Variants in NUAK1 observed in about 807,000 individuals in gnomAD.
NUAK1 encodes NUAK family kinase 1, also known as NUAK family SNF1-like kinase 1.
NUAK1 carries 26 observed loss-of-function variants against 56.9 expected under a neutral mutation model. The observed-to-expected ratio is 0.46, with a 90% CI of 0.33 to 0.63. The LOEUF (loss-of-function observed/expected upper bound fraction) is 0.63. Ranked by LOEUF, NUAK1 falls within the 30% of genes least tolerant of loss-of-function variation. NUAK1 has a pLI of 0.02. For missense variants in NUAK1, 727 were observed against 876.1 expected, an observed-to-expected ratio of 0.83 and a Z score of 2.15; for synonymous variants, 337 against 336.0, an observed-to-expected ratio of 1.00 and a Z score of -0.03.
At chr12:106,072,528 T>C (rs538315061) in intron 5 of NUAK1, among the ~76,000 whole-genome samples, 196 bp downstream of exon 5, 1 of 152,354 alleles carries the variant, frequency 6.6e-6, no homozygotes, top group South Asian at 2.1e-4. Context: ...TATTTTCTCC[T>C]TTAGGCTTTT....
intron 1 of NUAK1, among the ~76,000 whole-genome samples, chr12:106,128,568 G>A (rs2033046921): frequency 6.6e-6 from 1 of 152,234 alleles, no homozygotes; most frequent in Non-Finnish European, 1.5e-5. Context: ...GCAGCAGCCA[G>A]CAAGGCTTCG....
Position 106,067,846 on chromosome 12 carries a change from C to A in NUAK1, c.942G>T (p.Val314=). The A allele has an allele frequency of 6.2e-7, 1 of 1,614,222 alleles. No individual in the cohort carries two copies. Among genetic ancestry groups the A allele is most frequent in the Non-Finnish European group, 8.5e-7 (1 of 1,180,046 alleles). Residue 314 remains valine (V), a synonymous_variant, in exon 7 of 7, where the codon GTG becomes GTT. Coordinates refer to ENST00000261402, the MANE Select transcript of NUAK1 (RefSeq NM_014840.3). The surrounding 1 kb of genome is among the most constrained non-coding windows in gnomAD (Gnocchi z 6.0). ...AGTCATGGAGGGCATCACAGTCACA[C>A]ACGCTGCTCTTATAGCCCCAGTTCA... ...WWVNWGYKSS[V]CDCDALHDSE... is the part of the protein sequence containing the mutation.
intron 2 of NUAK1, among the ~76,000 whole-genome samples, chr12:106,098,918 C>CT (rs200025286): frequency 0.011 from 1,712 of 152,088 alleles, 31 homozygotes; most frequent in African/African-American, 0.035. Flanking sequence ...TCCTTTTCAG[C>CT]TTTTTTTTCC....
intron 4 of NUAK1, among the ~76,000 whole-genome samples, chr12:106,074,056 C>T (rs1340756056): frequency 6.6e-6 from 1 of 151,934 alleles, no homozygotes; most frequent in East Asian, 1.9e-4. Flanking sequence ...TATATACATA[C>T]ATATACATAT....
intron 4 of NUAK1, among the ~76,000 whole-genome samples, chr12:106,074,916 T>C (rs1051305355): frequency 1.3e-5 from 2 of 152,084 alleles, no homozygotes; most frequent in Non-Finnish European, 2.9e-5. Flanking sequence ...AGGAAGTTGG[T>C]TGGAAGCTTT....
rs368538085 is a variant in NUAK1 at position 106,066,931 on chromosome 12, C to A, written c.1857G>T (p.Arg619=). The change falls in exon 7 of 7, where the codon CGG becomes CGT. Residue 619 remains arginine, a synonymous_variant. Coordinates refer to ENST00000261402, the MANE Select transcript of NUAK1 (RefSeq NM_014840.3). The part of the protein sequence containing the change: ...QIQDFEGLQN[R]PRPQYLKRYR... ...ACCGCTTCAGGTACTGGGGCCGGGG[C>A]CGGTTCTGGAGCCCCTCAAAGTCCT... The A allele has an allele frequency of 9.0e-5, 145 of 1,613,924 alleles. No individual in the cohort carries two copies. The highest frequency in any genetic ancestry group is 1.1e-4 in the Non-Finnish European group (129 of 1,179,978).
intron 4 of NUAK1, among the ~76,000 whole-genome samples, chr12:106,080,946 C>A (rs1018275593): frequency 6.6e-6 from 1 of 152,192 alleles, no homozygotes; most frequent in African/African-American, 2.4e-5. Context: ...CAGCATGGGT[C>A]CTTTCTAAAT....
Position 106,138,717 on chromosome 12 carries a change from G to A in NUAK1, c.-64C>T. ...CCGGGCACAGCGCTGGGATGTCGGG[G>A]TCCCCACCGAGGGAAGCCGCTGTAC... On this transcript the variant is annotated 5_prime_UTR_variant, in exon 1 of 7. Transcript: ENST00000261402. This position sits in a 1 kb window ranked among gnomAD's most constrained non-coding sequence, Gnocchi z 5.0. 1.4e-6 allele frequency: 2 copies of A among 1,434,786 alleles called. No homozygotes were observed. The highest frequency in any genetic ancestry group is 1.5e-5 in the South Asian group (1 of 67,248). 88.9% of individuals were successfully genotyped at this position (1,434,786 alleles called of 1,614,324 possible).
intron 5 of NUAK1, 30 bp downstream of exon 5, chr12:106,072,694 T>G (rs1308850428): frequency 2.5e-6 from 4 of 1,571,758 alleles, no homozygotes. Flanking sequence ...TCCCCTCCCC[T>G]GCCCCATACA....
intron 1 of NUAK1, among the ~76,000 whole-genome samples, chr12:106,119,942 A>C (rs1408534717): frequency 6.6e-6 from 1 of 152,044 alleles, no homozygotes; most frequent in Non-Finnish European, 1.5e-5. Context: ...ACAATGTTTA[A>C]GAGGATTGGC....
chr12:106,083,125 G>A (rs560684605), intron 4 of NUAK1, among the ~76,000 whole-genome samples: 20 of 152,260 alleles, frequency 1.3e-4, no homozygotes, highest in African/African-American at 3.1e-4. Context: ...AATACTCTCC[G>A]TGCAAGTAAA....
chr12:106,092,547 CAT>C (rs2032646444), intron 2 of NUAK1, among the ~76,000 whole-genome samples: 1 of 152,006 alleles, frequency 6.6e-6, no homozygotes. Flanking sequence ...ATTAATTCAA[CAT>C]GTTTGTGAGA....
intron 2 of NUAK1, among the ~76,000 whole-genome samples, chr12:106,102,819 T>C (rs1185522990): frequency 6.6e-6 from 1 of 152,206 alleles, no homozygotes; most frequent in Non-Finnish European, 1.5e-5. Context: ...AGTGGAGGAC[T>C]GGAGGCTGAA....
chr12:106,110,957 G>A (rs1308612637), intron 1 of NUAK1, among the ~76,000 whole-genome samples: 2 of 152,100 alleles, frequency 1.3e-5, no homozygotes, highest in Non-Finnish European at 2.9e-5. Flanking sequence ...CACCTGCTCT[G>A]TGGCCTGCTG....
chr12:106,064,879 T>G lies in NUAK1; in HGVS notation c.*1923A>C, dbSNP rs2032319196. On this transcript the variant is annotated 3_prime_UTR_variant, in exon 7 of 7. Transcript: ENST00000261402. ...TTAGAGTTCAGGAAGGAGGTGGAAT[T>G]GAATGAAAGGAAATTGAGCAGCTTC... is the stretch of plus-strand genomic sequence containing the variant. 1.3e-5 allele frequency: 2 copies of G among 150,588 alleles called. No homozygotes were observed. The highest frequency in any genetic ancestry group is 2.9e-5 in the Non-Finnish European group (2 of 67,818). 9.3% of individuals were successfully genotyped at this position (150,588 alleles called of 1,614,324 possible).
At chr12:106,123,498 C>T (rs898447241) in intron 1 of NUAK1, among the ~76,000 whole-genome samples, 1 of 152,116 alleles carries the variant, frequency 6.6e-6, no homozygotes, top group Non-Finnish European at 1.5e-5. Flanking sequence ...CAGTGCAGGT[C>T]GAGAGGCAAA....
At chr12:106,071,120 G>A (rs1486310460) in intron 5 of NUAK1, among the ~76,000 whole-genome samples, 1 of 152,182 alleles carries the variant, frequency 6.6e-6, no homozygotes, top group African/African-American at 2.4e-5. Context: ...CTGAACAGAG[G>A]CCAGTGGTCC....
At chr12:106,125,370 G>A (rs182128427) in intron 1 of NUAK1, among the ~76,000 whole-genome samples, 42 of 152,326 alleles carry the variant, frequency 2.8e-4, no homozygotes, top group African/African-American at 8.7e-4. Flanking sequence ...ACTTCTCTGT[G>A]CTTTAAGTCC....
rs986254405 is a variant in NUAK1 at position 106,066,587 on chromosome 12, G to A, written c.*215C>T. 8.5e-6 allele frequency: 5 copies of A among 587,522 alleles called. No individual in the cohort carries two copies. In the African/African-American group the frequency reaches 9.3e-5, roughly 11 times the overall value. The allele number at this position is 587,522 out of a possible 1,614,324, so 36.4% of individuals were successfully genotyped here. ...TGCCATAAAGCAAATGCCAAACAGGGCCCAAATTCTGACTGACAATTGACA... is the reference window on the plus strand; with the variant it reads ...TGCCATAAAGCAAATGCCAAACAGGACCCAAATTCTGACTGACAATTGACA... On this transcript the variant is annotated 3_prime_UTR_variant, in exon 7 of 7. Transcript: ENST00000261402.
Sources: gnomAD v4.1 joint callset for allele counts (sites outside exome capture counted in the v4.1 genomes callset) on GRCh38, gnomAD v4.1.1 for gene constraint, Gnocchi (gnomAD v3.1) non-coding constraint, MANE v1.5 for transcripts, NCBI Gene and HGNC (gene_info 2026-07-23, HGNC 2026-07-21) for gene names.